NRG4: variants seen among roughly 807,000 people sequenced by gnomAD.
NRG4 encodes pro-neuregulin-4, membrane-bound isoform.
Under a neutral mutation model 15.0 loss-of-function variants are expected in NRG4, and 10 were observed. That is an observed-to-expected ratio of 0.67 (90% CI 0.41 to 1.13). The LOEUF is 1.13. Ranked by LOEUF, NRG4 falls within the 50% of genes most tolerant of loss-of-function variation. The pLI is 0.00. For missense variants in NRG4, 139 were observed against 140.2 expected, an observed-to-expected ratio of 0.99 and a Z score of 0.04; for synonymous variants, 41 against 50.1, an observed-to-expected ratio of 0.82 and a Z score of 0.77.
rs766987035 is a variant in NRG4 at position 75,961,922 on chromosome 15, A to G, written c.157T>C (p.Ser53Pro). 25 of 1,613,516 alleles carry G rather than the reference A, an allele frequency of 1.5e-5. No individual in the cohort carries two copies. The African/African-American group carries it at 2.8e-4, about 18-fold the overall frequency. ...AGGTTACTTTTAGTTTGGATGCTGG[A>G]GCCTGGGAGAAAAACCTCTTCACAA... ...ARCEEVFLPG[S>P]SIQTKSNLFE... The change falls in exon 4 of 6, where the codon TCC becomes CCC. Residue 53 changes from serine (S) to proline (P), a missense_variant. Ser to Pro is a moderately conservative substitution (Grantham distance 74). Transcript: ENST00000394907.
intron 5 of NRG4, among the ~76,000 whole-genome samples, chr15:76,019,519 G>T (rs1285281321): frequency 6.6e-6 from 1 of 152,200 alleles, no homozygotes; most frequent in Non-Finnish European, 1.5e-5. Context: ...CCTCATCTGT[G>T]GGTTGTGAAG....
chr15:76,001,319 A>G (rs1015752444), intron 3 of NRG4, among the ~76,000 whole-genome samples: 16 of 152,292 alleles, frequency 1.1e-4, no homozygotes, highest in African/African-American at 3.8e-4. Context: ...GCCACATTGA[A>G]AAAAACCGAA....
intron 4 of NRG4, among the ~76,000 whole-genome samples, chr15:76,048,520 C>G (rs934285997): frequency 6.8e-6 from 1 of 147,124 alleles, no homozygotes; most frequent in African/African-American, 2.5e-5. Context: ...TTTATAAACT[C>G]TTAAGCTACT....
chr15:75,983,879 A>G (rs1220225396), intron 3 of NRG4, among the ~76,000 whole-genome samples: 1 of 152,228 alleles, frequency 6.6e-6, no homozygotes, highest in Non-Finnish European at 1.5e-5. Context: ...ATTTATGAAT[A>G]TAAATGTTAT....
chr15:76,023,843 T>A (rs961158738), intron 5 of NRG4, among the ~76,000 whole-genome samples: 2 of 152,168 alleles, frequency 1.3e-5, no homozygotes, highest in Non-Finnish European at 2.9e-5. Flanking sequence ...GGAGGAATAG[T>A]CTAGCAGTCC....
intron 5 of NRG4, among the ~76,000 whole-genome samples, chr15:76,028,220 ATTGGTTAT>A (rs924829081): frequency 6.6e-6 from 1 of 152,098 alleles, no homozygotes; most frequent in African/African-American, 2.4e-5. Flanking sequence ...TGAAATGAAA[ATTGGTTAT>A]TTGAAAAGAT....
At chr15:76,007,083 T>G (rs2034632113) in intron 3 of NRG4, among the ~76,000 whole-genome samples, 1 of 152,038 alleles carries the variant, frequency 6.6e-6, no homozygotes, top group African/African-American at 2.4e-5. Flanking sequence ...ACTATAAAAT[T>G]TTTAGGATAA....
chr15:76,015,543 T>C (rs1420278057), upstream of NRG4, among the ~76,000 whole-genome samples: 1 of 152,194 alleles, frequency 6.6e-6, no homozygotes, highest in Non-Finnish European at 1.5e-5. Flanking sequence ...TTGTTTTTAG[T>C]TTTTAGCATA....
intron 5 of NRG4, among the ~76,000 whole-genome samples, chr15:76,035,586 C>A (rs768134860): frequency 3.3e-5 from 5 of 152,026 alleles, no homozygotes; most frequent in Non-Finnish European, 7.4e-5. Context: ...AAAAAAAGTC[C>A]CTCAGGCAGT....
rs144599879 is a variant in NRG4 at position 76,018,230 on chromosome 15, C to G, written c.-56-6944G>C. Among the ~76,000 whole-genome samples the G allele has an allele frequency of 7.2e-3, 1,102 of 152,266 alleles. 12 individuals are homozygous for G. The highest frequency in any genetic ancestry group is 0.024 in the African/African-American group (1,005 of 41,554). ...TTATTCCAGTTAGTAATTCCTCTAA[C>G]CTTTTTTCATGGTTCTTAGCTTCCT... On this transcript the variant is annotated intron_variant, in intron 5 of 8. Transcript: ENST00000563910.
At chr15:75,973,445 G>A (rs766946710) in intron 3 of NRG4, among the ~76,000 whole-genome samples, 26 of 152,086 alleles carry the variant, frequency 1.7e-4, no homozygotes, top group Non-Finnish European at 2.2e-4. Context: ...GTCTTGTGCT[G>A]GTTTTCAAAG....
intron 3 of NRG4, among the ~76,000 whole-genome samples, chr15:75,971,830 C>CGTGT (rs916689076): frequency 2.0e-5 from 3 of 152,106 alleles, no homozygotes; most frequent in African/African-American, 7.2e-5. Flanking sequence ...AATAAACATA[C>CGTGT]GTGTGCACGT....
At chr15:75,981,848 C>T (rs908189338) in intron 3 of NRG4, among the ~76,000 whole-genome samples, 2 of 151,816 alleles carry the variant, frequency 1.3e-5, no homozygotes, top group African/African-American at 4.8e-5. Context: ...AGAAAAGAGG[C>T]TATTTTGATA....
At chr15:75,989,786 T>C (rs529705419) in intron 3 of NRG4, among the ~76,000 whole-genome samples, 2 of 152,232 alleles carry the variant, frequency 1.3e-5, no homozygotes, top group Non-Finnish European at 2.9e-5. Flanking sequence ...CTAATCACAT[T>C]TGCCTGCTTC....
At chr15:76,028,595 T>TA (rs57381862) in intron 5 of NRG4, among the ~76,000 whole-genome samples, 173 of 140,908 alleles carry the variant, frequency 1.2e-3, no homozygotes, top group Non-Finnish European at 1.2e-3. Context: ...TCAAACTGTT[T>TA]AAAAAAAAAA....
At chr15:76,032,710 T>C (rs139467268) in intron 5 of NRG4, among the ~76,000 whole-genome samples, 1 of 152,202 alleles carries the variant, frequency 6.6e-6, no homozygotes, top group African/African-American at 2.4e-5. Context: ...GCTATTACCA[T>C]GAATTAATTT....
intron 4 of NRG4, among the ~76,000 whole-genome samples, chr15:76,048,881 A>C (rs2035934031): frequency 6.7e-6 from 1 of 150,188 alleles, no homozygotes; most frequent in Non-Finnish European, 1.5e-5. Flanking sequence ...CCCGTCTCTA[A>C]TAAAAATACA....
At chr15:75,959,462 T>G (rs2032410630) in intron 4 of NRG4, among the ~76,000 whole-genome samples, 1 of 151,448 alleles carries the variant, frequency 6.6e-6, no homozygotes, top group African/African-American at 2.4e-5. Context: ...TAAATATATG[T>G]AAATAAATAT....
intron 3 of NRG4, among the ~76,000 whole-genome samples, chr15:75,992,422 T>TA (rs1201776466): frequency 1.3e-5 from 2 of 152,196 alleles, no homozygotes; most frequent in Non-Finnish European, 2.9e-5. Flanking sequence ...TAAATTATCT[T>TA]AGTTTTTTCG....
Sources: allele counts gnomAD v4.1 joint callset (sites outside exome capture counted in the v4.1 genomes callset), GRCh38; gene constraint gnomAD v4.1.1; transcripts MANE v1.5; gene names NCBI Gene and HGNC (gene_info 2026-07-23, HGNC 2026-07-21).